Variants in RNF44 observed in about 807,000 individuals in gnomAD.
The protein encoded by RNF44 is ring finger protein 44.
In RNF44, 25 loss-of-function variants were observed where a neutral mutation model predicts 53.6. The observed-to-expected ratio is 0.47, with a 90% CI of 0.34 to 0.65. The LOEUF (loss-of-function observed/expected upper bound fraction) is 0.65, where lower values mean the gene tolerates loss of function less well. RNF44 is among the 30% of genes least tolerant of loss of function. The pLI is 0.01. For synonymous variants in RNF44, 282 were observed against 252.2 expected (o/e 1.12, Z -1.12); for missense variants, 581 against 595.5 (o/e 0.98, Z 0.25).
chr5:176,534,408 C>T (rs573143617), intron 1 of RNF44, among the ~76,000 whole-genome samples: 13 of 152,380 alleles, frequency 8.5e-5, no homozygotes, highest in African/African-American at 1.9e-4. Flanking sequence ...GACCCCTGGC[C>T]TGGGCCAAGT....
chr5:176,529,483 G>A (rs1347518284), intron 9 of RNF44, 40 bp downstream of exon 9: 2 of 1,611,116 alleles, frequency 1.2e-6, no homozygotes, highest in Non-Finnish European at 1.7e-6. Flanking sequence ...ACGGCAGCCA[G>A]CTGTGTTCAG....
chr5:176,532,469 G>C lies in RNF44; in HGVS notation c.4C>G (p.Arg2Gly). 6.4e-7 allele frequency: 1 copy of C among 1,569,518 alleles called. No individual in the cohort carries two copies. Among genetic ancestry groups the C allele is most frequent in the Non-Finnish European group, 8.6e-7 (1 of 1,158,288 alleles). Residue 2 changes from arginine (R) to glycine (G), a missense_variant, in exon 2 of 11, where the codon CGA becomes GGA. By Grantham distance (125) the Arg-to-Gly change is moderately radical. This residue lies in a region of RNF44 where 387 missense variants were observed against 366.0 expected (regional missense o/e 1.06). Coordinates refer to ENST00000274811, the MANE Select transcript of RNF44 (RefSeq NM_014901.5). ...CTAGTCACTGCCAGAGCCCATGGTC[G>C]CATCGGGGGGGCAGGGGGGTGGAGG... MRPWALAVTRWP... is the reference protein window; with the variant it reads MGPWALAVTRWP...
In RNF44 at chr5:176,527,038, G is replaced by T. The variant is rs1756088397; in HGVS notation, c.*1990C>A. On this transcript the variant is annotated 3_prime_UTR_variant, in exon 11 of 11. Transcript: ENST00000274811. ...GTAACTGTAAAATGTGCAAGGAACA[G>T]GGCCCCCAAAATTACATATATTTCT... The T allele has an allele frequency of 6.6e-6, 1 of 152,142 alleles. No individual in the cohort carries two copies. Among genetic ancestry groups the T allele is most frequent in the Non-Finnish European group, 1.5e-5 (1 of 67,990 alleles). The allele number at this position is 152,142 out of a possible 1,614,324, so 9.4% of individuals were successfully genotyped here.
intron 7 of RNF44, 61 bp downstream of exon 7, chr5:176,530,021 C>T (rs1756409947): frequency 1.4e-6 from 2 of 1,448,580 alleles, no homozygotes; most frequent in East Asian, 2.4e-5. Context: ...TTAGGTCTAA[C>T]CACTGGAGGT....
intron 1 of RNF44, among the ~76,000 whole-genome samples, chr5:176,535,767 C>T (rs114828757): frequency 1.1e-3 from 170 of 152,296 alleles, no homozygotes; most frequent in African/African-American, 3.9e-3. Context: ...TAGCAACTTG[C>T]TCAAGGTCAA....
At chr5:176,541,731 C>T (rs137995565), upstream of RNF44, among the ~76,000 whole-genome samples, 4 of 152,190 alleles carry the variant, frequency 2.6e-5, no homozygotes, top group Non-Finnish European at 4.4e-5. Context: ...CTCTCTCCCT[C>T]GGAGTCAGAA....
chr5:176,530,638 C>A lies in RNF44; in HGVS notation c.745G>T (p.Val249Leu). ...SAPGPALSPS[V>L]PLHYLPHDPL... ...TCGTGGGGCAGGTAGTGCAGGGGCA[C>A]CGACGGGGAAAGGGCTGGGCCAGGC... The change falls in exon 6 of 11, where the codon GTG becomes TTG. Residue 249 changes from valine to leucine, a missense_variant. Transcript: ENST00000274811. 1 of 1,518,668 alleles carries A rather than the reference C, an allele frequency of 6.6e-7. No individual in the cohort carries two copies. Among genetic ancestry groups the A allele is most frequent in the Non-Finnish European group, 8.8e-7 (1 of 1,136,580 alleles). The allele number at this position is 1,518,668 out of a possible 1,614,324, so 94.1% of individuals were successfully genotyped here.
rs1756367861 is a variant in RNF44, at chr5:176,529,573, C to G, written c.1086G>C (p.Gln362His). The G allele has an allele frequency of 6.2e-7, 1 of 1,613,928 alleles. No homozygotes were observed. The highest frequency in any genetic ancestry group is 1.1e-5 in the South Asian group (1 of 91,092). ...CCGGGTTAAAGCGGTACGACGGGAG[C>G]TGCTCTATGTCTGCTTTGGTGAGAC... Reference protein sequence around the residue: ...PRGLTKADIEQLPSYRFNPDS... With the variant: ...PRGLTKADIEHLPSYRFNPDS... The change falls in exon 9 of 11, where the codon CAG becomes CAC. Residue 362 changes from glutamine (Q) to histidine (H), a missense_variant. Gln to His is a conservative substitution (Grantham distance 24). Coordinates refer to ENST00000274811, the MANE Select transcript of RNF44 (RefSeq NM_014901.5).
At position 176,526,948 on chromosome 5, in the gene RNF44, C is replaced by T. The variant is rs78596722; in HGVS notation, c.*2080G>A. 3,451 of 152,436 alleles carry T rather than the reference C, an allele frequency of 0.023. 57 individuals carry two copies. Among genetic ancestry groups the T allele is most frequent in the Non-Finnish European group, 0.034 (2,341 of 68,008 alleles). 9.4% of individuals were successfully genotyped at this position (152,436 alleles called of 1,614,324 possible). On this transcript the variant is annotated 3_prime_UTR_variant, in exon 11 of 11. Coordinates refer to ENST00000274811, the MANE Select transcript of RNF44 (RefSeq NM_014901.5). ...GAATGGAAAAAACCACACATTTAAG[C>T]TTTAAGAACCATTTTTTTCTCTATA...
intron 10 of RNF44, 46 bp from the exon 11 acceptor site, chr5:176,529,136 C>T: frequency 6.2e-7 from 1 of 1,607,222 alleles, no homozygotes; most frequent in South Asian, 1.1e-5. Context: ...AGCCCCAACC[C>T]ACCACATCTG....
rs143651766 is a variant in RNF44, at chr5:176,532,392, G to A, written c.81C>T (p.Gly27=). The part of the protein sequence containing the change: ...VGQRRFSAGP[G]STPGQLWGSP... ...TTCCCCAGAGCTGGCCCGGGGTGCT[G>A]CCAGGTCCCGCAGAGAATCGCCGCT... Residue 27 remains glycine (G), a synonymous_variant, in exon 2 of 11, where the codon GGC becomes GGT. Coordinates refer to ENST00000274811, the MANE Select transcript of RNF44 (RefSeq NM_014901.5). The A allele has an allele frequency of 2.5e-4, 395 of 1,609,874 alleles. 3 individuals carry two copies. The African/African-American group carries it at 4.7e-3, about 19-fold the overall frequency.
At chr5:176,543,192 C>A in the RNF44 span, among the ~76,000 whole-genome samples, 1 of 149,110 alleles carries the variant, frequency 6.7e-6, no homozygotes, top group Non-Finnish European at 1.5e-5. The surrounding 1 kb of genome is among the most constrained non-coding windows in gnomAD (Gnocchi z 4.0). Flanking sequence ...CCGCGGCCGC[C>A]CCCTACCGCC....
At chr5:176,542,196 T>C (rs1013596938), upstream of RNF44, among the ~76,000 whole-genome samples, 2 of 152,138 alleles carry the variant, frequency 1.3e-5, no homozygotes, top group African/African-American at 4.8e-5. Flanking sequence ...CGATAATAAC[T>C]AGGCCACTGG....
In RNF44 at chr5:176,532,082, C is replaced by A. The variant is rs759062275; in HGVS notation, c.219G>T (p.Ser73=). The part of the protein sequence containing the change: ...PHLPVEERRA[S]APAGGSPRML... ...TTCGGGGGCTCCCGCCGGCAGGAGC[C>A]GAGGCTCGGCGCTCCTCTACGGGGA... is the stretch of plus-strand genomic sequence containing the variant. Residue 73 remains serine, a synonymous_variant, in exon 3 of 11, where the codon TCG becomes TCT. Transcript: ENST00000274811. 1.2e-6 allele frequency: 2 copies of A among 1,604,164 alleles called. No individual in the cohort carries two copies. Among genetic ancestry groups the A allele is most frequent in the Admixed American group, 3.4e-5 (2 of 58,088 alleles).
At position 176,528,853 on chromosome 5, in the gene RNF44, A is replaced by G. The variant is rs1014202080; in HGVS notation, c.*175T>C. On this transcript the variant is annotated 3_prime_UTR_variant, in exon 11 of 11. Transcript: ENST00000274811. ...GGAGGGAGTCTTTGGAGCTTGGCAA[A>G]TGCAGGGGCTTATTGCAGGGACTCC... 1 of 636,714 alleles carries G rather than the reference A, an allele frequency of 1.6e-6. No homozygotes were observed. The highest frequency in any genetic ancestry group is 2.7e-6 in the Non-Finnish European group (1 of 370,660). The allele number at this position is 636,714 out of a possible 1,614,324, so 39.4% of individuals were successfully genotyped here.
rs1386578806 is a variant in RNF44 at position 176,531,282 on chromosome 5, A to C, written c.465+181T>G. ...GGTACTGGAAGGTTCCTGAACCTTG[A>C]AACACTCTATTACCAAATGTGAACA... On this transcript the variant is annotated intron_variant, in intron 4 of 10. Transcript: ENST00000274811. The surrounding 1 kb of genome is among the most constrained non-coding windows in gnomAD (Gnocchi z 4.2). 1.3e-5 allele frequency among the ~76,000 whole-genome samples: 2 copies of C among 152,008 alleles called. No homozygotes were observed. The highest frequency in any genetic ancestry group is 2.9e-5 in the Non-Finnish European group (2 of 67,850).
intron 7 of RNF44, 122 bp from the exon 8 acceptor site, chr5:176,529,940 C>A: frequency 7.2e-7 from 1 of 1,387,248 alleles, no homozygotes; most frequent in African/African-American, 1.4e-5. Flanking sequence ...GGGAGCCCAG[C>A]TGGCGTGCCT....
At chr5:176,538,622 T>C (rs1289709832), upstream of RNF44, among the ~76,000 whole-genome samples, 1 of 152,246 alleles carries the variant, frequency 6.6e-6, no homozygotes, top group African/African-American at 2.4e-5. Flanking sequence ...GACACGGGGC[T>C]ATCTCCAAGA....
rs747606204 is a variant in RNF44, at chr5:176,531,290, T to C, written c.465+173A>G. 1.3e-5 allele frequency among the ~76,000 whole-genome samples: 2 copies of C among 152,212 alleles called. No homozygotes were observed. Among genetic ancestry groups the C allele is most frequent in the Admixed American group, 1.3e-4 (2 of 15,288 alleles). On this transcript the variant is annotated intron_variant, in intron 4 of 10. Coordinates refer to ENST00000274811, the MANE Select transcript of RNF44 (RefSeq NM_014901.5). This position sits in a 1 kb window ranked among gnomAD's most constrained non-coding sequence, Gnocchi z 4.2. Reference sequence around the variant, plus strand: ...AAGGTTCCTGAACCTTGAAACACTCTATTACCAAATGTGAACACGCGTATG... The same window carrying C: ...AAGGTTCCTGAACCTTGAAACACTCCATTACCAAATGTGAACACGCGTATG...
Sources: allele counts gnomAD v4.1 joint callset (sites outside exome capture counted in the v4.1 genomes callset), GRCh38; gene constraint gnomAD v4.1.1; regional missense constraint gnomAD v4.1.1; non-coding constraint Gnocchi (gnomAD v3.1); transcripts MANE v1.5; gene names NCBI Gene and HGNC (gene_info 2026-07-23, HGNC 2026-07-21).